Variants in SH3RF2 observed in about 807,000 individuals in gnomAD.
SH3RF2 encodes SH3 domain containing ring finger 2, also known as E3 ubiquitin-protein ligase SH3RF2.
SH3RF2 carries 43 observed loss-of-function variants against 59.0 expected under a neutral mutation model. The observed-to-expected ratio is 0.73, with a 90% CI of 0.57 to 0.94. The LOEUF (loss-of-function observed/expected upper bound fraction) is 0.94. Among genes scored for constraint, SH3RF2 ranks in the 40% least tolerant of loss-of-function variants. The pLI is 0.00. For missense variants in SH3RF2, 930 were observed against 940.1 expected (o/e 0.99, Z 0.14); for synonymous variants, 391 against 391.5 (o/e 1.00, Z 0.01).
chr5:145,975,860 A>C (rs1759272703), intron 2 of SH3RF2, among the ~76,000 whole-genome samples: 1 of 152,260 alleles, frequency 6.6e-6, no homozygotes, highest in Non-Finnish European at 1.5e-5. Context: ...ACTGGAGATA[A>C]TTAGAGGCCC....
exon 10 of SH3RF2, chr5:146,081,398 CAT>C (rs1035326468): frequency 1.9e-4 from 29 of 152,260 alleles, no homozygotes; most frequent in African/African-American, 7.0e-4. Flanking sequence ...AAACTATCCA[CAT>C]GTTAATTCTG....
At chr5:146,070,787 C>T (rs1763217148) in intron 9 of SH3RF2, among the ~76,000 whole-genome samples, 1 of 152,176 alleles carries the variant, frequency 6.6e-6, no homozygotes, top group Admixed American at 6.5e-5. Context: ...GGGGTAGATA[C>T]ACACCCACAG....
At chr5:146,023,661 T>G (rs1316143868) in intron 5 of SH3RF2, among the ~76,000 whole-genome samples, 1 of 152,222 alleles carries the variant, frequency 6.6e-6, no homozygotes, top group Non-Finnish European at 1.5e-5. Context: ...TTTTAATATA[T>G]TTACACAGTT....
At chr5:146,031,936 C>T (rs1359079121) in intron 5 of SH3RF2, among the ~76,000 whole-genome samples, 1 of 152,158 alleles carries the variant, frequency 6.6e-6, no homozygotes, top group Non-Finnish European at 1.5e-5. Context: ...AAGCACCTCA[C>T]AATGATGCAT....
At chr5:145,993,042 G>T (rs1268570429) in intron 2 of SH3RF2, among the ~76,000 whole-genome samples, 1 of 152,046 alleles carries the variant, frequency 6.6e-6, no homozygotes, top group Non-Finnish European at 1.5e-5. Flanking sequence ...GGGGGTACAG[G>T]CATTGGGTGA....
intron 9 of SH3RF2, among the ~76,000 whole-genome samples, chr5:146,074,214 T>C (rs1402208989): frequency 6.6e-6 from 1 of 152,130 alleles, no homozygotes; most frequent in African/African-American, 2.4e-5. Context: ...TAATTTTTTG[T>C]ATTTTTAGTA....
At chr5:145,978,041 A>C (rs1759360606) in intron 2 of SH3RF2, among the ~76,000 whole-genome samples, 1 of 152,240 alleles carries the variant, frequency 6.6e-6, no homozygotes, top group East Asian at 1.9e-4. Context: ...CCTGTCATTC[A>C]TAAGCATTTA....
chr5:145,962,229 G>A, intron 2 of SH3RF2, among the ~76,000 whole-genome samples: 1 of 152,164 alleles, frequency 6.6e-6, no homozygotes, highest in East Asian at 1.9e-4. Context: ...GGCAGAATCA[G>A]CCATCCTGCA....
At position 146,062,514 on chromosome 5, in the gene SH3RF2, C is replaced by T. The variant is rs1762934799; in HGVS notation, c.2003C>T (p.Pro668Leu). 3 of 1,614,184 alleles carry T rather than the reference C, an allele frequency of 1.9e-6. No individual in the cohort carries two copies. The highest frequency in any genetic ancestry group is 2.5e-6 in the Non-Finnish European group (3 of 1,180,048). ...SHPTSGKPEQ[P>L]ATLKASQPEA... is the part of the protein sequence containing the mutation. ...CCCACCTCCGGAAAGCCTGAACAGC[C>T]AGCCACCCTCAAGGCGTCCCAGCCT... The change falls in exon 10 of 10, where the codon CCA (proline) becomes CTA (leucine). Residue 668 changes from proline (P) to leucine (L), a missense_variant. Coordinates refer to ENST00000359120, the MANE Select transcript of SH3RF2 (RefSeq NM_152550.4).
intron 4 of SH3RF2, among the ~76,000 whole-genome samples, chr5:146,011,969 G>C (rs992299049): frequency 5.3e-5 from 8 of 152,196 alleles, no homozygotes; most frequent in African/African-American, 1.9e-4. Flanking sequence ...AGTTTTTAAA[G>C]GCAATGCTTC....
In SH3RF2 at chr5:146,002,828, A is replaced by G. The variant is rs1760482595; in HGVS notation, c.649-1230A>G. 5.3e-5 allele frequency among the ~76,000 whole-genome samples: 8 copies of G among 152,328 alleles called. 2 individuals carry two copies. In the South Asian group the frequency reaches 1.5e-3, roughly 28 times the overall value. On this transcript the variant is annotated intron_variant, in intron 3 of 9. Coordinates refer to ENST00000359120, the MANE Select transcript of SH3RF2 (RefSeq NM_152550.4). ...TCTAAATTAGGTGCTCCTTATGAGA[A>G]TCTAATGCCTGATAATGTGAGGTGG... is the stretch of plus-strand genomic sequence containing the variant.
chr5:146,053,333 A>G (rs1288454123), intron 7 of SH3RF2, among the ~76,000 whole-genome samples: 2 of 151,846 alleles, frequency 1.3e-5, no homozygotes, highest in Non-Finnish European at 2.9e-5. Context: ...TATATAGAAC[A>G]TTTGTCAAGT....
intron 2 of SH3RF2, among the ~76,000 whole-genome samples, chr5:145,970,131 T>C (rs1487272576): frequency 2.0e-5 from 3 of 152,196 alleles, no homozygotes; most frequent in Non-Finnish European, 4.4e-5. Context: ...ATTTTATTTT[T>C]TTTTTCAATC....
rs1050293063 is a variant in SH3RF2 at position 145,959,655 on chromosome 5, G to A, written c.378+21349G>A. Among the ~76,000 whole-genome samples, 32 of 148,746 alleles carry A rather than the reference G, an allele frequency of 2.2e-4. 1 individual carries two copies. The highest frequency in any genetic ancestry group is 8.3e-4 in the African/African-American group (32 of 38,376). On this transcript the variant is annotated intron_variant, in intron 2 of 9. Transcript: ENST00000359120. The stretch of plus-strand genomic sequence containing the variant: ...TGTGTGTGTGTGTGTGTGTATGTGT[G>A]TGTGTGTATACATATATATATATAT...
intron 5 of SH3RF2, among the ~76,000 whole-genome samples, chr5:146,028,543 T>A (rs1761624125): frequency 6.6e-6 from 1 of 152,198 alleles, no homozygotes. Flanking sequence ...GCCCTGGGCA[T>A]TGTGGGGTTT....
chr5:146,051,576 T>TGA (rs1217327209), intron 7 of SH3RF2, among the ~76,000 whole-genome samples: 3 of 151,952 alleles, frequency 2.0e-5, no homozygotes, highest in Non-Finnish European at 2.9e-5. Context: ...GGATCCAAGG[T>TGA]GAGAGCAAGT....
At chr5:146,066,864 G>A (rs114730824), downstream of SH3RF2, among the ~76,000 whole-genome samples, 162 of 152,310 alleles carry the variant, frequency 1.1e-3, no homozygotes, top group African/African-American at 3.7e-3. Flanking sequence ...GGTTCAGACA[G>A]TACCTAGGAA....
intron 6 of SH3RF2, 117 bp from the exon 7 acceptor site, chr5:146,048,958 A>G: frequency 8.0e-7 from 1 of 1,249,610 alleles, no homozygotes; most frequent in South Asian, 1.4e-5. Context: ...CACCCGCTCG[A>G]CCAAGAAGGT....
intron 7 of SH3RF2, among the ~76,000 whole-genome samples, chr5:146,053,891 G>A (rs1172203089): frequency 6.6e-6 from 1 of 152,190 alleles, no homozygotes; most frequent in African/African-American, 2.4e-5. Flanking sequence ...GGAGGCTGCT[G>A]CCAGTGGTGA....
Sources: gnomAD v4.1 joint callset for allele counts (sites outside exome capture counted in the v4.1 genomes callset) on GRCh38, gnomAD v4.1.1 for gene constraint, MANE v1.5 for transcripts, NCBI Gene and HGNC (gene_info 2026-07-23, HGNC 2026-07-21) for gene names.